Variants in SLC4A11 observed in about 807,000 individuals in gnomAD.
SLC4A11 encodes solute carrier family 4 member 11, also known as bicarbonate transporter related protein 1.
In SLC4A11, 74 loss-of-function variants were observed where a neutral mutation model predicts 95.0. The observed-to-expected ratio is 0.78, with a 90% CI of 0.65 to 0.95. The LOEUF (loss-of-function observed/expected upper bound fraction) is 0.95. SLC4A11 is among the 40% of genes least tolerant of loss of function. The probability of loss-of-function intolerance (pLI) is 0.00; values close to 1 mark genes in which losing one functional copy is unlikely to be tolerated. For missense variants in SLC4A11, 1,081 were observed against 1,192.4 expected (o/e 0.91, Z 1.38); for synonymous variants, 548 against 519.0 (o/e 1.06, Z -0.76).
At chr20:3,238,349 A>G (rs1302810984) in intron 1 of SLC4A11, 13 of 985,378 alleles carry the variant, frequency 1.3e-5, no homozygotes, top group Non-Finnish European at 1.6e-5. Flanking sequence ...AAGCGCCTCC[A>G]GACTCGGAGA....
chr20:3,238,888 C>T (rs904781657), intron 1 of SLC4A11: 43 of 1,251,318 alleles, frequency 3.4e-5, no homozygotes, highest in Non-Finnish European at 4.1e-5. Flanking sequence ...CCTAATGAAA[C>T]CAAGCGCGCG....
chr20:3,228,369 G>A lies in SLC4A11; in HGVS notation c.2448C>T (p.Phe816=). Residue 816 remains phenylalanine, a synonymous_variant, in exon 19 of 20, where the codon TTC becomes TTT. Transcript: ENST00000642402. ...RRVPQRKIHY[F]TGLQVLQLLL... ...GCAGCTGAAGCACCTGCAGGCCCGTGAAGTAGTGGATCTTCCTCTGGGGCA... is the reference window on the plus strand; with the variant it reads ...GCAGCTGAAGCACCTGCAGGCCCGTAAAGTAGTGGATCTTCCTCTGGGGCA... 2 of 1,613,346 alleles carry A rather than the reference G, an allele frequency of 1.2e-6. No homozygotes were observed. Among genetic ancestry groups the A allele is most frequent in the Non-Finnish European group, 1.7e-6 (2 of 1,180,006 alleles).
chr20:3,229,015 CA>C lies in SLC4A11; in HGVS notation c.2019-5del, dbSNP rs761988700. On this transcript the variant is annotated splice_polypyrimidine_tract_variant and splice_region_variant and intron_variant, in intron 16 of 19. Coordinates refer to ENST00000642402, the MANE Select transcript of SLC4A11 (RefSeq NM_001174089.2). ...GTAGGCAGTGCCCTTCACCAGCCTG[CA>C]GCAGACGGGCACTCGTGGACAGAGC... The C allele has an allele frequency of 6.2e-7, 1 of 1,612,772 alleles. No homozygotes were observed. Among genetic ancestry groups the C allele is most frequent in the Admixed American group, 1.7e-5 (1 of 59,930 alleles).
At position 3,230,175 on chromosome 20, in the gene SLC4A11, AG is replaced by A; in HGVS notation, c.1489+11del. The A allele has an allele frequency of 6.2e-7, 1 of 1,613,444 alleles. No homozygotes were observed. The highest frequency in any genetic ancestry group is 8.5e-7 in the Non-Finnish European group (1 of 1,180,006). On this transcript the variant is annotated intron_variant, in intron 13 of 19. Transcript: ENST00000642402. ...GCGCCCTGTTCAGCAGGTGGCCCCC[AG>A]CCGCACTCACTTTTAACCGTGCCCT... is the stretch of plus-strand genomic sequence containing the variant.
At chr20:3,238,314 A>G in intron 1 of SLC4A11, 2 of 1,230,368 alleles carry the variant, frequency 1.6e-6, no homozygotes, top group South Asian at 6.7e-5. Flanking sequence ...AGGAAGCGAC[A>G]GGAGGGGCCG....
chr20:3,232,883 A>G (rs2067827519), intron 7 of SLC4A11, among the ~76,000 whole-genome samples: 1 of 151,988 alleles, frequency 6.6e-6, no homozygotes, highest in Admixed American at 6.6e-5. Context: ...GCTGGGGGCC[A>G]CTCCTTCCAA....
At chr20:3,236,937 C>T (rs1387876001) in intron 2 of SLC4A11, among the ~76,000 whole-genome samples, 3 of 152,184 alleles carry the variant, frequency 2.0e-5, no homozygotes, top group Admixed American at 6.5e-5. Context: ...ACGTAACCTG[C>T]CCACCAGCAG....
At chr20:3,239,317 TG>T, upstream of SLC4A11, 1 of 1,139,182 alleles carries the variant, frequency 8.8e-7, no homozygotes, top group Non-Finnish European at 1.1e-6. Flanking sequence ...TGCCGAGGGC[TG>T]GGACCCGGCC....
chr20:3,234,105 G>A lies in SLC4A11; in HGVS notation c.501C>T (p.Ala167=), dbSNP rs749352950. ...DLLMAMLFTD[A]GAPMRGKVHL... ...CACCTTTACCCCGCATGGGTGCCCC[G>A]GCATCGGTGAAGAGCATGGCCATGA... Residue 167 remains alanine, a synonymous_variant, in exon 5 of 20, where the codon GCC becomes GCT. Transcript: ENST00000642402. The surrounding 1 kb of genome is among the most constrained non-coding windows in gnomAD (Gnocchi z 5.8). The A allele has an allele frequency of 2.5e-4, 403 of 1,613,882 alleles. No homozygotes were observed. The highest frequency in any genetic ancestry group is 3.2e-4 in the Non-Finnish European group (378 of 1,180,026).
intron 1 of SLC4A11, chr20:3,238,791 C>T: frequency 5.2e-6 from 6 of 1,144,578 alleles, no homozygotes; most frequent in Non-Finnish European, 5.4e-6. Flanking sequence ...CACAGCTCCG[C>T]CCTGCCCACT....
chr20:3,227,992 C>A (rs1489483088), intron 19 of SLC4A11, 136 bp from the exon 20 acceptor site: 1 of 822,644 alleles, frequency 1.2e-6, no homozygotes, highest in South Asian at 1.6e-5. Context: ...AGCCCACCCA[C>A]TCTCCACTCC....
Position 3,229,654 on chromosome 20 carries a change from C to T in SLC4A11, c.1612G>A (p.Ala538Thr), listed in dbSNP as rs774573967. The T allele has an allele frequency of 2.7e-5, 44 of 1,613,612 alleles. No individual in the cohort carries two copies. Among genetic ancestry groups the T allele is most frequent in the Admixed American group, 3.3e-5 (2 of 59,994 alleles). Residue 538 changes from alanine (A) to threonine (T), a missense_variant, in exon 14 of 20, where the codon GCC becomes ACC. Physicochemically the swap from Ala to Thr is moderately conservative, Grantham distance 58 (BLOSUM62 0). Transcript: ENST00000642402. ...LNASLHTALN[A>T]SFLASPTELP... ...TCCGTGGGGCTGGCGAGGAAGCTGGCGTTGAGGGCAGTGTGGAGGCTGGCG... is the reference window on the plus strand; with the variant it reads ...TCCGTGGGGCTGGCGAGGAAGCTGGTGTTGAGGGCAGTGTGGAGGCTGGCG...
At position 3,228,445 on chromosome 20, in the gene SLC4A11, C is replaced by T. The variant is rs2067618082; in HGVS notation, c.2389-17G>A. Reference sequence around the variant, plus strand: ...GTACGCAGTCTGTGGGCGGCAGGGACCGGGTGTGGGCAGGCATGGGGCTGT... The same window carrying T: ...GTACGCAGTCTGTGGGCGGCAGGGATCGGGTGTGGGCAGGCATGGGGCTGT... On this transcript the variant is annotated splice_polypyrimidine_tract_variant and intron_variant, in intron 18 of 19. Transcript: ENST00000642402. 1.2e-6 allele frequency: 2 copies of T among 1,613,022 alleles called. No individual in the cohort carries two copies. Among genetic ancestry groups the T allele is most frequent in the South Asian group, 1.1e-5 (1 of 91,076 alleles).
At chr20:3,233,837 G>T in intron 6 of SLC4A11, 84 bp downstream of exon 6, 1 of 1,545,858 alleles carries the variant, frequency 6.5e-7, no homozygotes, top group Non-Finnish European at 8.9e-7. Context: ...CTCACAGGTG[G>T]GCTGGCCTCT....
At position 3,231,671 on chromosome 20, in the gene SLC4A11, T is replaced by C. The variant is rs1414707615; in HGVS notation, c.730-123A>G. On this transcript the variant is annotated intron_variant, in intron 7 of 19. Transcript: ENST00000642402. This position sits in a 1 kb window ranked among gnomAD's most constrained non-coding sequence, Gnocchi z 5.2. ...TTTGTCTGTTTGTTTTTTGTGTTTT[T>C]TTGAGACAGGGTCTCACTGTCACCC... 3 of 894,802 alleles carry C rather than the reference T, an allele frequency of 3.4e-6. No homozygotes were observed. Among genetic ancestry groups the C allele is most frequent in the Middle Eastern group, 3.0e-4 (1 of 3,288 alleles). 55.4% of individuals were successfully genotyped at this position (894,802 alleles called of 1,614,324 possible).
rs143066766 is a variant in SLC4A11, at chr20:3,230,733, C to G, written c.1281G>C (p.Gln427His). Residue 427 changes from glutamine (Q) to histidine (H), a missense_variant and splice_region_variant, in exon 11 of 20, where the codon CAG becomes CAC. Around this residue, in one of 3 missense-constraint regions of SLC4A11, gnomAD observed 767 missense variants for 858.0 expected, o/e 0.89. Transcript: ENST00000642402. Reference protein sequence around the residue: ...LTTAPLALYIQVIRVICDDYD... With the variant: ...LTTAPLALYIHVIRVICDDYD... ...CTCCCGCCTCAGCCCCCACTGCACC[C>G]TGGATGTAGAGCGCCAGGGGCGCGG... The G allele has an allele frequency of 8.1e-6, 13 of 1,613,152 alleles. No homozygotes were observed. In the African/African-American group the frequency reaches 1.1e-4, roughly 13 times the overall value.
rs752155242 is a variant in SLC4A11, at chr20:3,230,591, T to C, written c.1339A>G (p.Thr447Ala). ...AGGAAGAAACTATTCCACAGGCCCG[T>C]CCATGCGTAGAAGGAGTTGAAGTCC... is the stretch of plus-strand genomic sequence containing the variant. ...DLDFNSFYAW[T>A]GLWNSFFLAL... Residue 447 changes from threonine to alanine, a missense_variant, in exon 12 of 20, where the codon ACG (threonine) becomes GCG (alanine). Thr to Ala is a moderately conservative substitution (Grantham distance 58). This residue lies in a region of SLC4A11 where 767 missense variants were observed against 858.0 expected (regional missense o/e 0.89). Coordinates refer to ENST00000642402, the MANE Select transcript of SLC4A11 (RefSeq NM_001174089.2). The C allele has an allele frequency of 6.2e-7, 1 of 1,613,680 alleles. No homozygotes were observed.
rs200106947 is a variant in SLC4A11, at chr20:3,234,786, C to A, written c.197G>T (p.Arg66Leu). The part of the protein sequence containing the change: ...NSSIVSGESI[R>L]FFVNVNLEMQ... ...CTCAAGGTTGACATTGACAAAAAAA[C>A]GGATACTCTCGCCAGACACGATGGA... Residue 66 changes from arginine (R) to leucine (L), a missense_variant, in exon 3 of 20, where the codon CGT becomes CTT. Coordinates refer to ENST00000642402, the MANE Select transcript of SLC4A11 (RefSeq NM_001174089.2). The surrounding 1 kb of genome is among the most constrained non-coding windows in gnomAD (Gnocchi z 5.8). 161 of 1,614,050 alleles carry A rather than the reference C, an allele frequency of 1.0e-4. No homozygotes were observed. Among genetic ancestry groups the A allele is most frequent in the Middle Eastern group, 4.9e-4 (3 of 6,062 alleles).
chr20:3,239,260 G>A (rs979295767), upstream of SLC4A11: 13 of 1,260,924 alleles, frequency 1.0e-5, no homozygotes, highest in Non-Finnish European at 7.0e-6. Flanking sequence ...GCCGCGCCTG[G>A]GTCCTAATGC....
Sources: allele counts gnomAD v4.1 joint callset (sites outside exome capture counted in the v4.1 genomes callset), GRCh38; gene constraint gnomAD v4.1.1; regional missense constraint gnomAD v4.1.1; non-coding constraint Gnocchi (gnomAD v3.1); transcripts MANE v1.5; gene names NCBI Gene and HGNC (gene_info 2026-07-23, HGNC 2026-07-21).